Variants in TP53BP1 observed in about 807,000 individuals in gnomAD.
The protein encoded by TP53BP1 is tumor protein p53 binding protein 1.
In TP53BP1, 61 loss-of-function variants were observed where a neutral mutation model predicts 200.8. That is an observed-to-expected ratio of 0.30 (90% CI 0.25 to 0.38). The LOEUF is 0.38. Ranked by LOEUF, TP53BP1 falls within the 10% of genes least tolerant of loss-of-function variation. The probability of loss-of-function intolerance (pLI) is 1.00; values close to 1 mark genes in which losing one functional copy is unlikely to be tolerated. For missense variants in TP53BP1, 2,144 were observed against 2,371.9 expected (o/e 0.90, Z 2.00); for synonymous variants, 822 against 844.3 (o/e 0.97, Z 0.46).
intron 11 of TP53BP1, among the ~76,000 whole-genome samples, chr15:43,461,252 C>T (rs1244350159): frequency 2.0e-5 from 3 of 151,662 alleles, no homozygotes; most frequent in Non-Finnish European, 4.4e-5. Context: ...ACAGGTCTTG[C>T]TCTGTTGCCC....
intron 12 of TP53BP1, among the ~76,000 whole-genome samples, chr15:43,448,891 C>G (rs1323096293): frequency 1.3e-5 from 2 of 152,100 alleles, no homozygotes; most frequent in Admixed American, 6.6e-5. Flanking sequence ...CTTTGGGAGA[C>G]GAAGGCGGAT....
At chr15:43,479,836 A>G (rs765285233) in intron 6 of TP53BP1, 23 bp downstream of exon 6, 3 of 1,612,484 alleles carry the variant, frequency 1.9e-6, no homozygotes, top group Non-Finnish European at 2.5e-6. Flanking sequence ...ACAACTCCAA[A>G]TGCCAGAAAA....
rs1211344699 is a variant in TP53BP1 at position 43,404,610 on chromosome 15, G to T, written c.*2773C>A. On this transcript the variant is annotated 3_prime_UTR_variant, in exon 28 of 28. Coordinates refer to ENST00000382044, the MANE Select transcript of TP53BP1 (RefSeq NM_001141980.3). The stretch of plus-strand genomic sequence containing the variant: ...TTTTAAGGTGGCTTTTTAATGAGTT[G>T]TAGAATTCTAGAACTGGAAGAAGAC... The T allele has an allele frequency of 5.1e-6, 8 of 1,574,966 alleles. No homozygotes were observed. In the East Asian group the frequency reaches 1.8e-4, roughly 35 times the overall value.
In TP53BP1 at chr15:43,438,308, T is replaced by A; in HGVS notation, c.3191+16A>T. ...AACCAATGGAGCCCAAAAGATTCTA[T>A]AAAAATAATGCTTACCTGATGGGTG... On this transcript the variant is annotated intron_variant, in intron 16 of 27. Transcript: ENST00000382044. The A allele has an allele frequency of 3.1e-6, 5 of 1,610,672 alleles. No homozygotes were observed. Among genetic ancestry groups the A allele is most frequent in the Non-Finnish European group, 4.2e-6 (5 of 1,178,164 alleles).
upstream of TP53BP1, chr15:43,497,322 G>C (rs1345891697): frequency 4.5e-5 from 32 of 711,224 alleles, no homozygotes; most frequent in Non-Finnish European, 5.5e-5. Flanking sequence ...AGAGGTTGCA[G>C]TGAGCCGAGA....
intron 11 of TP53BP1, among the ~76,000 whole-genome samples, chr15:43,468,692 T>A (rs1185108472): frequency 3.3e-5 from 5 of 152,088 alleles, no homozygotes; most frequent in Non-Finnish European, 4.4e-5. Flanking sequence ...TCTAAGCATT[T>A]TATATATATT....
intron 1 of TP53BP1, 54 bp downstream of exon 1, chr15:43,492,983 C>A: frequency 1.9e-6 from 3 of 1,610,684 alleles, no homozygotes; most frequent in East Asian, 2.2e-5. Flanking sequence ...CCCTTCAGAC[C>A]CGAAATCCAG....
intron 10 of TP53BP1, 77 bp downstream of exon 10, chr15:43,474,596 G>T: frequency 1.1e-6 from 1 of 937,248 alleles, no homozygotes; most frequent in Non-Finnish European, 1.7e-6. Context: ...GTACAAAGAA[G>T]TAGTACATTT....
chr15:43,462,216 C>CAAAAAAA (rs779088744), intron 11 of TP53BP1, among the ~76,000 whole-genome samples: 9 of 34,096 alleles, frequency 2.6e-4, no homozygotes, highest in East Asian at 9.2e-4. Flanking sequence ...GACTTCATCT[C>CAAAAAAA]AAAAAAAAAA....
At position 43,432,560 on chromosome 15, in the gene TP53BP1, G is replaced by T; in HGVS notation, c.3309C>A (p.Asp1103Glu). The change falls in exon 17 of 28, where the codon GAC becomes GAA. Residue 1103 changes from aspartate to glutamate, a missense_variant. By Grantham distance (45) the Asp-to-Glu change is conservative. This residue lies in a region of TP53BP1 where 1,700 missense variants were observed against 1,710.3 expected (regional missense o/e 0.99). Coordinates refer to ENST00000382044, the MANE Select transcript of TP53BP1 (RefSeq NM_001141980.3). ...QPMKPISPVK[D>E]PVSPASQKMV... is the part of the protein sequence containing the mutation. ...TCTTCTGGGAAGCAGGAGAAACAGG[G>T]TCCTTGACAGGACTAATGGGCTTCA... The T allele has an allele frequency of 6.2e-7, 1 of 1,614,150 alleles. No individual in the cohort carries two copies. Among genetic ancestry groups the T allele is most frequent in the Non-Finnish European group, 8.5e-7 (1 of 1,180,012 alleles).
intron 21 of TP53BP1, among the ~76,000 whole-genome samples, chr15:43,418,147 T>C (rs1301572921): frequency 8.0e-6 from 1 of 124,558 alleles, no homozygotes; most frequent in Non-Finnish European, 1.6e-5. Flanking sequence ...GCCATTGCAC[T>C]CCAGCCTGGG....
At chr15:43,409,429 A>G (rs1323483940) in intron 25 of TP53BP1, 1 of 540,490 alleles carries the variant, frequency 1.9e-6, no homozygotes, top group Non-Finnish European at 3.3e-6. Flanking sequence ...TGTCCCAGCA[A>G]CAGAACCATA....
intron 1 of TP53BP1, 141 bp downstream of exon 1, chr15:43,492,895 AC>A (rs1247927018): frequency 6.2e-6 from 2 of 321,254 alleles, no homozygotes; most frequent in Non-Finnish European, 1.1e-5. Flanking sequence ...ACGTTTCCCC[AC>A]CCCCTCCTTA....
chr15:43,461,364 C>A (rs1421810261), intron 11 of TP53BP1, among the ~76,000 whole-genome samples: 1 of 151,828 alleles, frequency 6.6e-6, no homozygotes, highest in East Asian at 1.9e-4. Flanking sequence ...GGAATACAGG[C>A]ACACACCACC....
At position 43,456,745 on chromosome 15, in the gene TP53BP1, A is replaced by C; in HGVS notation, c.1863T>G (p.Cys621Trp). The C allele has an allele frequency of 1.2e-6, 2 of 1,614,122 alleles. No individual in the cohort carries two copies. The highest frequency in any genetic ancestry group is 1.7e-6 in the Non-Finnish European group (2 of 1,180,044). The part of the protein sequence containing the change: ...GREETVAEDV[C>W]IDLTCDSGSQ... Reference sequence around the variant, plus strand: ...TCCCCGAATCACAAGTGAGATCAATACAAACATCTTCTGCTACCGTTTCTT... The same window carrying C: ...TCCCCGAATCACAAGTGAGATCAATCCAAACATCTTCTGCTACCGTTTCTT... Residue 621 changes from cysteine (C) to tryptophan (W), a missense_variant, in exon 12 of 28, where the codon TGT becomes TGG. By Grantham distance (215) the Cys-to-Trp change is radical. This residue lies in a region of TP53BP1 where 1,700 missense variants were observed against 1,710.3 expected (regional missense o/e 0.99). Transcript: ENST00000382044.
At chr15:43,471,411 T>G (rs535438449) in intron 10 of TP53BP1, among the ~76,000 whole-genome samples, 2 of 152,166 alleles carry the variant, frequency 1.3e-5, no homozygotes, top group African/African-American at 2.4e-5. Flanking sequence ...AAATATTGAC[T>G]GTTTACAATC....
At chr15:43,492,155 A>C (rs1474867209) in intron 2 of TP53BP1, 60 bp from the exon 3 acceptor site, 44 of 1,499,474 alleles carry the variant, frequency 2.9e-5, no homozygotes, top group Non-Finnish European at 3.9e-5. Flanking sequence ...AATGAAACCT[A>C]CTATTTGTGA....
At chr15:43,409,764 G>T in intron 24 of TP53BP1, 23 bp from the exon 25 acceptor site, 3 of 1,221,720 alleles carry the variant, frequency 2.5e-6, no homozygotes, top group South Asian at 1.4e-5. Context: ...AAAAAACCAA[G>T]ATAATAATTA....
At chr15:43,411,124 G>C (rs1348431435) in intron 24 of TP53BP1, among the ~76,000 whole-genome samples, 5 of 152,142 alleles carry the variant, frequency 3.3e-5, no homozygotes, top group Admixed American at 3.3e-4. Flanking sequence ...TCCAGGACTG[G>C]TCTACTTAGA....
Sources: gnomAD v4.1 joint callset for allele counts (sites outside exome capture counted in the v4.1 genomes callset) on GRCh38, gnomAD v4.1.1 for gene constraint, gnomAD v4.1.1 regional missense constraint, MANE v1.5 for transcripts, NCBI Gene and HGNC (gene_info 2026-07-23, HGNC 2026-07-21) for gene names.